The following PRH1 variants were observed in gnomAD, a reference collection of about 807,000 sequenced individuals.
The protein encoded by PRH1 is salivary acidic proline-rich phosphoprotein 1/2.
Under a neutral mutation model 7.9 loss-of-function variants are expected in PRH1, and 7 were observed. The observed-to-expected ratio is 0.89, with a 90% CI of 0.50 to 1.67. PRH1 has a LOEUF of 1.67. PRH1 is among the 40% of genes most tolerant of loss of function. PRH1 has a pLI of 0.00. For synonymous variants in PRH1, 45 were observed against 80.8 expected, an observed-to-expected ratio of 0.56 and a Z score of 2.38; for missense variants, 109 against 223.6, an observed-to-expected ratio of 0.49 and a Z score of 3.27.
intron 1 of PRH1, chr12:11,005,876 T>A (rs912215963): frequency 3.9e-5 from 6 of 152,162 alleles, no homozygotes; most frequent in Non-Finnish European, 7.4e-5. Flanking sequence ...CAGCAATTTT[T>A]AAAATATTCC....
intron 1 of PRH1, among the ~76,000 whole-genome samples, chr12:11,014,958 A>C (rs1219005968): frequency 6.6e-6 from 1 of 152,076 alleles, no homozygotes; most frequent in Non-Finnish European, 1.5e-5. Flanking sequence ...AAAAATGATA[A>C]TTGCTCACAG....
intron 1 of PRH1, among the ~76,000 whole-genome samples, chr12:11,145,260 C>G (rs1286840754): frequency 6.6e-6 from 1 of 152,114 alleles, no homozygotes; most frequent in African/African-American, 2.4e-5. Context: ...GGCGCAATCT[C>G]GGGTCACTGC....
chr12:11,116,846 T>C (rs553950540), downstream of PRH1, among the ~76,000 whole-genome samples: 3 of 152,184 alleles, frequency 2.0e-5, no homozygotes, highest in Admixed American at 2.0e-4. Context: ...TAATTAATGC[T>C]GAAAAAGCAT....
chr12:11,160,182 ATTAT>A (rs1439464488), intron 1 of PRH1, among the ~76,000 whole-genome samples: 17 of 152,316 alleles, frequency 1.1e-4, no homozygotes, highest in African/African-American at 3.6e-4. Flanking sequence ...TATTTCAGTA[ATTAT>A]TTGTCTCTCA....
intron 1 of PRH1, among the ~76,000 whole-genome samples, chr12:11,101,684 T>A (rs765203947): frequency 6.6e-6 from 1 of 152,154 alleles, no homozygotes; most frequent in Non-Finnish European, 1.5e-5. Flanking sequence ...AACATACAGA[T>A]ACAGAGTAAT....
chr12:10,909,468 C>T (rs570282750), intron 2 of PRH1: 9 of 593,030 alleles, frequency 1.5e-5, no homozygotes, highest in East Asian at 5.6e-5. Flanking sequence ...GTTTGCTGAT[C>T]GATCTTCACA....
At chr12:10,997,578 T>C in intron 1 of PRH1, 1 of 1,614,104 alleles carries the variant, frequency 6.2e-7, no homozygotes, top group Non-Finnish European at 8.5e-7. Flanking sequence ...CTGAGGCTAG[T>C]AGCAAGCCAG....
At chr12:11,138,480 G>T (rs1363632597) in intron 1 of PRH1, among the ~76,000 whole-genome samples, 1 of 152,116 alleles carries the variant, frequency 6.6e-6, no homozygotes, top group Non-Finnish European at 1.5e-5. Context: ...TGTGAAATTA[G>T]AATGCTAACA....
intron 1 of PRH1, among the ~76,000 whole-genome samples, chr12:11,148,762 C>G (rs1236840628): frequency 1.7e-5 from 2 of 115,802 alleles, no homozygotes; most frequent in Non-Finnish European, 4.1e-5. Context: ...TTGGTTGTGT[C>G]TCTGCCCAGC....
In PRH1 at chr12:10,965,522, C is replaced by T. The variant is rs1938460196; in HGVS notation, c.-59+8133G>A. Among the ~76,000 whole-genome samples the T allele has an allele frequency of 5.9e-5, 9 of 152,280 alleles. No homozygotes were observed. The South Asian group carries it at 1.9e-3, about 32-fold the overall frequency. Reference sequence around the variant, plus strand: ...TCAAACAAGAAAGTAGCAGTTTATGCTAATTGATAGTTCAATAATGTATTT... The same window carrying T: ...TCAAACAAGAAAGTAGCAGTTTATGTTAATTGATAGTTCAATAATGTATTT... On this transcript the variant is annotated intron_variant, in intron 2 of 3. Transcript: ENST00000539853.
intron 1 of PRH1, among the ~76,000 whole-genome samples, chr12:11,037,496 TG>T (rs1942484411): frequency 6.6e-6 from 1 of 152,238 alleles, no homozygotes; most frequent in South Asian, 2.1e-4. Flanking sequence ...GCTAAAAATA[TG>T]AGTATAAATA....
At chr12:11,132,618 G>A (rs1242713062) in intron 1 of PRH1, among the ~76,000 whole-genome samples, 1 of 152,264 alleles carries the variant, frequency 6.6e-6, no homozygotes. Flanking sequence ...TTTTTTCTAA[G>A]CTATTCACAT....
In PRH1 at chr12:11,061,946, T is replaced by C. The variant is rs373675584; in HGVS notation, n.124-14758A>G. Reference sequence around the variant, plus strand: ...ACTCTCCTCTTTAAGTGAAGAAAAATAAGGTTGGAGAAATTGGCAATCTTG... The same window carrying C: ...ACTCTCCTCTTTAAGTGAAGAAAAACAAGGTTGGAGAAATTGGCAATCTTG... On this transcript the variant is annotated intron_variant and non_coding_transcript_variant, in intron 1 of 4. Coordinates refer to the PRH1 transcript ENST00000541977. 13 of 1,613,756 alleles carry C rather than the reference T, an allele frequency of 8.1e-6. No individual in the cohort carries two copies. In the African/African-American group the frequency reaches 1.3e-4, roughly 17 times the overall value.
chr12:10,887,724 A>C (rs1182081361), upstream of PRH1, among the ~76,000 whole-genome samples: 11 of 152,066 alleles, frequency 7.2e-5, no homozygotes, highest in Admixed American at 2.6e-4. Context: ...ACAAAAAAAA[A>C]ATTATATCTA....
chr12:10,882,777 C>T (rs1217462228), intron 2 of PRH1, 79 bp from the exon 3 acceptor site: 29 of 1,578,164 alleles, frequency 1.8e-5, no homozygotes, highest in East Asian at 9.0e-5. Context: ...CTTCACCACA[C>T]GGCCGGCCCC....
chr12:11,024,362 G>A (rs1941806236), intron 1 of PRH1, among the ~76,000 whole-genome samples: 1 of 152,232 alleles, frequency 6.6e-6, no homozygotes, highest in South Asian at 2.1e-4. Flanking sequence ...AAGAGCCTAA[G>A]TTTACCTCAA....
intron 1 of PRH1, among the ~76,000 whole-genome samples, chr12:11,039,336 A>G (rs1942598041): frequency 1.3e-5 from 2 of 152,250 alleles, no homozygotes; most frequent in Non-Finnish European, 2.9e-5. Context: ...AAGCATCTCA[A>G]TAGGCCAACG....
chr12:10,968,730 A>G (rs1055451827), intron 2 of PRH1, among the ~76,000 whole-genome samples: 1 of 152,192 alleles, frequency 6.6e-6, no homozygotes, highest in African/African-American at 2.4e-5. Flanking sequence ...CCCAGCCCTC[A>G]TGGGAGGGAG....
intron 2 of PRH1, among the ~76,000 whole-genome samples, chr12:10,969,382 G>A (rs565435764): frequency 1.3e-5 from 2 of 152,292 alleles, no homozygotes; most frequent in African/African-American, 4.8e-5. Flanking sequence ...TGGGAAAACA[G>A]GGATAGAAGT....
Sources: allele counts gnomAD v4.1 joint callset (sites outside exome capture counted in the v4.1 genomes callset), GRCh38; gene constraint gnomAD v4.1.1; transcripts MANE v1.5; gene names NCBI Gene and HGNC (gene_info 2026-07-23, HGNC 2026-07-21).